The following UVRAG variants were observed in gnomAD, a reference collection of about 807,000 sequenced individuals.
UVRAG encodes UV radiation resistance-associated gene protein.
UVRAG carries 19 observed loss-of-function variants against 78.0 expected under a neutral mutation model. The ratio of observed to expected loss-of-function variants is 0.24; its 90% CI spans 0.17 to 0.36. UVRAG has a LOEUF of 0.36. Among genes scored for constraint, UVRAG ranks in the 10% least tolerant of loss-of-function variants. The pLI, the probability that UVRAG is intolerant of heterozygous loss-of-function variation, is 1.00. For synonymous variants in UVRAG, 323 were observed against 324.6 expected (o/e 1.00, Z 0.05); for missense variants, 740 against 853.8 (o/e 0.87, Z 1.66).
chr11:75,922,807 G>T (rs1475321583), intron 6 of UVRAG, among the ~76,000 whole-genome samples: 1 of 151,820 alleles, frequency 6.6e-6, no homozygotes, highest in Non-Finnish European at 1.5e-5. Context: ...AATTAGCTGG[G>T]CGTGGTGGCA....
intron 2 of UVRAG, among the ~76,000 whole-genome samples, chr11:75,854,084 A>G (rs1020312737): frequency 2.6e-5 from 4 of 152,064 alleles, no homozygotes; most frequent in African/African-American, 9.7e-5. Flanking sequence ...TCCATTCCAT[A>G]TTTTTGAAAC....
At chr11:76,120,725 TCAGTTCCAAG>T (rs1413069639) in intron 14 of UVRAG, among the ~76,000 whole-genome samples, 11 of 152,096 alleles carry the variant, frequency 7.2e-5, no homozygotes, top group Non-Finnish European at 8.8e-5. Context: ...ATGCTACATA[TCAGTTCCAAG>T]TAAAGATCAC....
intron 13 of UVRAG, among the ~76,000 whole-genome samples, chr11:76,114,085 C>G (rs1025026383): frequency 3.3e-4 from 50 of 151,012 alleles, no homozygotes; most frequent in African/African-American, 1.1e-3. Context: ...TTTTTTTTTC[C>G]TTGATGTTTA....
chr11:75,983,177 A>G (rs1245832269), intron 7 of UVRAG, among the ~76,000 whole-genome samples: 3 of 152,132 alleles, frequency 2.0e-5, no homozygotes, highest in Non-Finnish European at 4.4e-5. Flanking sequence ...CCCAGACTTA[A>G]GATTTACTTT....
intron 1 of UVRAG, among the ~76,000 whole-genome samples, chr11:75,818,316 G>A (rs1354486154): frequency 6.6e-6 from 1 of 151,484 alleles, no homozygotes; most frequent in Non-Finnish European, 1.5e-5. Flanking sequence ...GAGTATCTGT[G>A]TATGTCTAAT....
intron 3 of UVRAG, 54 bp downstream of exon 3, chr11:75,861,834 G>GA: frequency 1.4e-6 from 2 of 1,424,344 alleles, no homozygotes; most frequent in South Asian, 2.4e-5. Context: ...CCTGTTTTCA[G>GA]AAAATGCAGA....
chr11:75,867,711 T>C (rs1041635474), intron 3 of UVRAG, among the ~76,000 whole-genome samples: 2 of 152,230 alleles, frequency 1.3e-5, no homozygotes, highest in Non-Finnish European at 2.9e-5. Context: ...TCCAAAATTA[T>C]TGTTTGATTT....
intron 1 of UVRAG, among the ~76,000 whole-genome samples, chr11:75,840,997 G>T (rs1405876156): frequency 6.6e-6 from 1 of 152,110 alleles, no homozygotes; most frequent in African/African-American, 2.4e-5. Context: ...TTTACCTTCT[G>T]TGGAAATGTG....
At chr11:76,049,350 A>T (rs1329344473) in intron 12 of UVRAG, among the ~76,000 whole-genome samples, 2 of 152,222 alleles carry the variant, frequency 1.3e-5, no homozygotes, top group African/African-American at 4.8e-5. Context: ...TACATGAATG[A>T]GATCTACAGT....
intron 11 of UVRAG, among the ~76,000 whole-genome samples, chr11:76,009,448 A>G (rs1950010067): frequency 6.6e-6 from 1 of 152,174 alleles, no homozygotes; most frequent in Non-Finnish European, 1.5e-5. Context: ...CAAATATTCC[A>G]AAGAATTTAT....
At chr11:75,895,150 G>C (rs574704694) in intron 5 of UVRAG, among the ~76,000 whole-genome samples, 4 of 152,280 alleles carry the variant, frequency 2.6e-5, no homozygotes, top group African/African-American at 9.6e-5. Flanking sequence ...TTTTAAAGCA[G>C]CTTTCAATAA....
intron 3 of UVRAG, among the ~76,000 whole-genome samples, chr11:75,875,897 C>T (rs988814052): frequency 3.3e-5 from 5 of 152,126 alleles, no homozygotes; most frequent in African/African-American, 1.2e-4. Context: ...AAACTGGCCA[C>T]GTGCAGTGGC....
chr11:76,037,996 GA>G lies in UVRAG; in HGVS notation c.1226+21017del, dbSNP rs1950570061. On this transcript the variant is annotated intron_variant, in intron 12 of 14. Transcript: ENST00000356136. ...ACAATACAAAAATTTTAAAAATACA[GA>G]TTTTTTTTTTATTTTCAAAGTATTT... is the stretch of plus-strand genomic sequence containing the variant. Among the ~76,000 whole-genome samples, 3 of 151,802 alleles carry G rather than the reference GA, an allele frequency of 2.0e-5. No individual in the cohort carries two copies. In the South Asian group the frequency reaches 6.3e-4, roughly 32 times the overall value.
chr11:75,934,574 ATTAC>A (rs1948324855), intron 6 of UVRAG, among the ~76,000 whole-genome samples: 1 of 152,190 alleles, frequency 6.6e-6, no homozygotes, highest in African/African-American at 2.4e-5. Context: ...TGTAATTATT[ATTAC>A]TTATTGTATG....
intron 8 of UVRAG, among the ~76,000 whole-genome samples, chr11:76,003,161 G>A (rs1021033292): frequency 2.7e-5 from 4 of 148,608 alleles, no homozygotes; most frequent in Non-Finnish European, 5.9e-5. Flanking sequence ...GTTAAATTTT[G>A]TACAGCCATA....
intron 12 of UVRAG, among the ~76,000 whole-genome samples, chr11:76,063,219 A>G (rs1336158951): frequency 6.6e-6 from 1 of 152,254 alleles, no homozygotes; most frequent in Admixed American, 6.5e-5. Context: ...AGCCTACAGT[A>G]TCATAAGGGA....
intron 1 of UVRAG, among the ~76,000 whole-genome samples, chr11:75,849,450 C>T (rs923017197): frequency 6.7e-5 from 10 of 149,598 alleles, no homozygotes; most frequent in African/African-American, 2.3e-4. Flanking sequence ...GCCGAGATTG[C>T]GCCACTGCAC....
Position 75,961,541 on chromosome 11 carries a change from A to G in UVRAG, c.691A>G (p.Asn231Asp), listed in dbSNP as rs1276667217. 1.3e-6 allele frequency: 2 copies of G among 1,597,980 alleles called. No individual in the cohort carries two copies. Among genetic ancestry groups the G allele is most frequent in the South Asian group, 2.3e-5 (2 of 87,440 alleles). The change falls in exon 7 of 15, where the codon AAT (asparagine) becomes GAT (aspartate). Residue 231 changes from asparagine to aspartate, a missense_variant. Asn to Asp is a conservative substitution (Grantham distance 23). Transcript: ENST00000356136. ...AAAACTAAGACTCACATCTACAAGCAATGAACTGGTAGGTTTTTATGTATT... is the reference window on the plus strand; with the variant it reads ...AAAACTAAGACTCACATCTACAAGCGATGAACTGGTAGGTTTTTATGTATT... ...EEKLRLTSTS[N>D]ELKKKSECLQ...
intron 13 of UVRAG, among the ~76,000 whole-genome samples, chr11:76,101,259 AT>A (rs1162089342): frequency 6.6e-6 from 1 of 150,870 alleles, no homozygotes; most frequent in South Asian, 2.1e-4. Context: ...GCCAGCATCT[AT>A]TTTTTTTTAT....
Sources: allele counts gnomAD v4.1 joint callset (sites outside exome capture counted in the v4.1 genomes callset), GRCh38; gene constraint gnomAD v4.1.1; transcripts MANE v1.5; gene names NCBI Gene and HGNC (gene_info 2026-07-23, HGNC 2026-07-21).